Variants in YAP1 observed in about 807,000 individuals in gnomAD.
YAP1 encodes Yes1 associated transcriptional regulator.
Under a neutral mutation model 56.9 loss-of-function variants are expected in YAP1, and 5 were observed. The observed-to-expected ratio is 0.09, with a 90% CI of 0.05 to 0.18. The LOEUF is 0.18. YAP1 is among the 10% of genes least tolerant of loss of function. The probability of loss-of-function intolerance (pLI) is 1.00; values close to 1 mark genes in which losing one functional copy is unlikely to be tolerated. For synonymous variants in YAP1, 265 were observed against 248.1 expected, an observed-to-expected ratio of 1.07 and a Z score of -0.64; for missense variants, 539 against 651.8, an observed-to-expected ratio of 0.83 and a Z score of 1.88.
chr11:102,130,152 A>G (rs1459917225), intron 2 of YAP1, among the ~76,000 whole-genome samples: 2 of 152,094 alleles, frequency 1.3e-5, no homozygotes, highest in Non-Finnish European at 2.9e-5. Context: ...GGGTTTTCTG[A>G]GTCATAAATA....
chr11:102,199,014 G>A (rs10895271), intron 4 of YAP1, among the ~76,000 whole-genome samples: 69,051 of 152,004 alleles, frequency 0.45, 18,082 homozygotes, highest in Admixed American at 0.58. Flanking sequence ...GAGAATGTAT[G>A]TGTATGTCTA....
intron 2 of YAP1, among the ~76,000 whole-genome samples, chr11:102,145,865 T>C (rs1232699447): frequency 6.6e-6 from 1 of 152,226 alleles, no homozygotes; most frequent in Non-Finnish European, 1.5e-5. Context: ...CATTGGACTT[T>C]CCAGTATTTG....
chr11:102,201,555 C>T (rs1208230175), intron 4 of YAP1, among the ~76,000 whole-genome samples: 1 of 152,004 alleles, frequency 6.6e-6, no homozygotes, highest in Non-Finnish European at 1.5e-5. Flanking sequence ...ACTTTATGTA[C>T]TTAATGGAAT....
intron 4 of YAP1, among the ~76,000 whole-genome samples, chr11:102,195,182 C>T (rs538879015): frequency 2.6e-5 from 4 of 152,324 alleles, no homozygotes; most frequent in South Asian, 2.1e-4. Context: ...AATTAGAACA[C>T]GTTCTCCCTT....
chr11:102,198,820 T>C (rs1948699395), intron 4 of YAP1, among the ~76,000 whole-genome samples: 1 of 151,934 alleles, frequency 6.6e-6, no homozygotes, highest in African/African-American at 2.4e-5. Context: ...ATATGTTGAG[T>C]GTTGTATTGA....
intron 6 of YAP1, among the ~76,000 whole-genome samples, chr11:102,217,473 C>T (rs1949720484): frequency 6.6e-6 from 1 of 152,050 alleles, no homozygotes. Flanking sequence ...TATATTCCTA[C>T]AGTGGAATAC....
At position 102,209,558 on chromosome 11, in the gene YAP1, A is replaced by G; in HGVS notation, c.1026A>G (p.Lys342=). The G allele has an allele frequency of 6.3e-7, 1 of 1,598,712 alleles. No homozygotes were observed. Among genetic ancestry groups the G allele is most frequent in the Non-Finnish European group, 8.5e-7 (1 of 1,175,410 alleles). The change falls in exon 6 of 9, where the codon AAA becomes AAG. Residue 342 remains lysine (K), a synonymous_variant. Transcript: ENST00000282441. ...ATCCCAGCACAGCAAATTCTCCAAA[A>G]TGTCAGGTAGGCTCTTATCTGATGT... The part of the protein sequence containing the change: ...NINPSTANSP[K]CQELALRSQL...
chr11:102,126,108 G>A (rs548809404), intron 2 of YAP1, among the ~76,000 whole-genome samples: 49 of 151,936 alleles, frequency 3.2e-4, no homozygotes, highest in Admixed American at 1.3e-3. Flanking sequence ...CTGAATAATC[G>A]ATTTCCTCCT....
intron 4 of YAP1, among the ~76,000 whole-genome samples, chr11:102,188,688 A>C (rs895730313): frequency 6.6e-6 from 1 of 152,214 alleles, no homozygotes; most frequent in Non-Finnish European, 1.5e-5. Context: ...GCTATACCTT[A>C]CAGCCTAGGC....
chr11:102,160,882 C>A (rs1326674292), intron 2 of YAP1, among the ~76,000 whole-genome samples: 1 of 152,060 alleles, frequency 6.6e-6, no homozygotes, highest in Admixed American at 6.6e-5. Context: ...TCTGTGTTCA[C>A]ATTTAAACAC....
intron 2 of YAP1, among the ~76,000 whole-genome samples, chr11:102,144,354 A>C (rs1249131749): frequency 1.3e-5 from 2 of 152,168 alleles, no homozygotes; most frequent in Non-Finnish European, 2.9e-5. Context: ...GTATTATTTA[A>C]ATTGGAGAAA....
At chr11:102,119,669 A>G (rs944440786) in intron 2 of YAP1, among the ~76,000 whole-genome samples, 20 of 151,524 alleles carry the variant, frequency 1.3e-4, no homozygotes, top group Middle Eastern at 3.2e-3. Flanking sequence ...GGTTTTTACA[A>G]CCCTAAAATA....
chr11:102,209,546 A>G lies in YAP1; in HGVS notation c.1014A>G (p.Ala338=). The change falls in exon 6 of 9, where the codon GCA becomes GCG. Residue 338 remains alanine (A), a synonymous_variant. Transcript: ENST00000282441. ...TGCGGAATATCAATCCCAGCACAGCAAATTCTCCAAAATGTCAGGTAGGCT... is the reference window on the plus strand; with the variant it reads ...TGCGGAATATCAATCCCAGCACAGCGAATTCTCCAAAATGTCAGGTAGGCT... ...QAMRNINPST[A]NSPKCQELAL... 1 of 1,599,876 alleles carries G rather than the reference A, an allele frequency of 6.3e-7. No individual in the cohort carries two copies. The highest frequency in any genetic ancestry group is 8.5e-7 in the Non-Finnish European group (1 of 1,175,934).
intron 3 of YAP1, among the ~76,000 whole-genome samples, chr11:102,181,791 T>C (rs1234333016): frequency 6.6e-6 from 1 of 152,174 alleles, no homozygotes; most frequent in Non-Finnish European, 1.5e-5. Flanking sequence ...CTGTACTAGC[T>C]GAAGAATTCT....
rs1323818766 is a variant in YAP1 at position 102,227,524 on chromosome 11, T to C, written c.1219T>C (p.Tyr407His). ...STDSGLSMSS[Y>H]SVPRTPDDFL... ...AGACAGTGGACTAAGCATGAGCAGC[T>C]ACAGTGTCCCTCGAACCCCAGATGA... is the stretch of plus-strand genomic sequence containing the variant. Residue 407 changes from tyrosine to histidine, a missense_variant, in exon 8 of 9, where the codon TAC becomes CAC. This residue lies in a region of YAP1 where 414 missense variants were observed against 512.4 expected (regional missense o/e 0.81). Coordinates refer to ENST00000282441, the MANE Select transcript of YAP1 (RefSeq NM_001130145.3). The C allele has an allele frequency of 1.2e-6, 2 of 1,613,934 alleles. No individual in the cohort carries two copies. The highest frequency in any genetic ancestry group is 1.7e-6 in the Non-Finnish European group (2 of 1,179,996).
chr11:102,123,399 G>C (rs1247136506), intron 2 of YAP1, among the ~76,000 whole-genome samples: 2 of 152,028 alleles, frequency 1.3e-5, no homozygotes, highest in Middle Eastern at 3.2e-3. Context: ...GGGAGTTTCT[G>C]AATCACTCTT....
chr11:102,188,558 A>G (rs1948108717), intron 4 of YAP1, among the ~76,000 whole-genome samples: 1 of 152,192 alleles, frequency 6.6e-6, no homozygotes, highest in South Asian at 2.1e-4. Flanking sequence ...TGATTCTAAT[A>G]CTGTGTTTTT....
At chr11:102,216,156 A>G (rs1949653176) in intron 6 of YAP1, among the ~76,000 whole-genome samples, 1 of 152,218 alleles carries the variant, frequency 6.6e-6, no homozygotes, top group Non-Finnish European at 1.5e-5. Context: ...TTTCTCCTAT[A>G]AGGTGTCCTG....
At chr11:102,200,531 G>GC (rs904222114) in intron 4 of YAP1, among the ~76,000 whole-genome samples, 7 of 148,666 alleles carry the variant, frequency 4.7e-5, no homozygotes, top group African/African-American at 1.3e-4. Context: ...TGCAACCTCT[G>GC]CCCCCCGTGT....
Sources: gnomAD v4.1 joint callset for allele counts (sites outside exome capture counted in the v4.1 genomes callset) on GRCh38, gnomAD v4.1.1 for gene constraint, gnomAD v4.1.1 regional missense constraint, MANE v1.5 for transcripts, NCBI Gene and HGNC (gene_info 2026-07-23, HGNC 2026-07-21) for gene names.